Variants in ERG observed in about 807,000 individuals in gnomAD.
ERG encodes transcriptional regulator ERG.
In ERG, 9 loss-of-function variants were observed where a neutral mutation model predicts 55.3. That is an observed-to-expected ratio of 0.16 (90% CI 0.10 to 0.28). ERG has a LOEUF of 0.28. Among genes scored for constraint, ERG ranks in the 10% least tolerant of loss-of-function variants. ERG has a pLI of 1.00. For synonymous variants in ERG, 223 were observed against 237.3 expected, an observed-to-expected ratio of 0.94 and a Z score of 0.55; for missense variants, 434 against 631.6, an observed-to-expected ratio of 0.69 and a Z score of 3.35.
intron 1 of ERG, among the ~76,000 whole-genome samples, chr21:38,497,512 T>G (rs2146690965): frequency 6.6e-6 from 1 of 152,316 alleles, no homozygotes; most frequent in East Asian, 1.9e-4. Context: ...CAAGACTGCA[T>G]GCCCCTTGAC....
chr21:38,411,921 T>C (rs536529070), intron 3 of ERG, among the ~76,000 whole-genome samples: 114 of 152,364 alleles, frequency 7.5e-4, no homozygotes, highest in African/African-American at 2.5e-3. Flanking sequence ...GTCATGAATT[T>C]AGCCTTTTTT....
intron 4 of ERG, 32 bp from the exon 5 acceptor site, chr21:38,402,669 TG>T: frequency 1.0e-6 from 1 of 974,484 alleles, no homozygotes. Context: ...GACATCAAAA[TG>T]AAAAAAAAAA....
chr21:38,568,930 A>G (rs2059940052), intron 2 of ERG, among the ~76,000 whole-genome samples: 1 of 152,222 alleles, frequency 6.6e-6, no homozygotes, highest in Non-Finnish European at 1.5e-5. Context: ...GGAGGCTTAC[A>G]GGCAGAAGCA....
At chr21:38,444,294 TG>T (rs1433948585) in intron 2 of ERG, among the ~76,000 whole-genome samples, 1 of 152,212 alleles carries the variant, frequency 6.6e-6, no homozygotes, top group Non-Finnish European at 1.5e-5. Context: ...AGTGGTGATT[TG>T]GGGTCAGACT....
chr21:38,371,422 A>C, the ERG span, among the ~76,000 whole-genome samples: 1 of 152,068 alleles, frequency 6.6e-6, no homozygotes, highest in East Asian at 1.9e-4. Context: ...CTCCAAACCT[A>C]TGTTGAATAG....
intron 1 of ERG, among the ~76,000 whole-genome samples, chr21:38,595,399 G>A (rs2060124903): frequency 6.6e-6 from 1 of 152,180 alleles, no homozygotes; most frequent in African/African-American, 2.4e-5. Context: ...AAGCAGAGAA[G>A]GTGCAGGGAA....
intron 1 of ERG, among the ~76,000 whole-genome samples, chr21:38,481,468 A>G (rs1246733303): frequency 6.6e-6 from 1 of 152,244 alleles, no homozygotes. Context: ...ATTGGCCTAT[A>G]TATAATGTTT....
At chr21:38,639,417 C>T (rs2060410170) in intron 1 of ERG, among the ~76,000 whole-genome samples, 1 of 149,830 alleles carries the variant, frequency 6.7e-6, no homozygotes, top group Non-Finnish European at 1.5e-5. Context: ...AATAATACAG[C>T]CATTAAAAAA....
intron 1 of ERG, among the ~76,000 whole-genome samples, chr21:38,612,421 T>C (rs995957414): frequency 2.0e-5 from 3 of 152,226 alleles, no homozygotes; most frequent in Non-Finnish European, 4.4e-5. Context: ...TCCATCATTA[T>C]AGTGGGTCCT....
At chr21:38,541,642 A>T (rs967988890) in intron 2 of ERG, among the ~76,000 whole-genome samples, 5 of 152,228 alleles carry the variant, frequency 3.3e-5, no homozygotes, top group African/African-American at 1.2e-4. Context: ...AATACCTCAA[A>T]TTTATTTCAA....
Position 38,487,342 on chromosome 21 carries a change from C to G in ERG, c.18+11021G>C, listed in dbSNP as rs552304129. Among the ~76,000 whole-genome samples, 5 of 152,206 alleles carry G rather than the reference C, an allele frequency of 3.3e-5. No homozygotes were observed. In the East Asian group the frequency reaches 9.6e-4, roughly 29 times the overall value. On this transcript the variant is annotated intron_variant, in intron 1 of 9. Transcript: ENST00000288319. ...GTTTTTAAAATTTTTATTTTCTAAA[C>G]TCCTATAATAATTGTTTTTCAAATG...
chr21:38,493,127 T>C (rs1164478124), intron 1 of ERG, among the ~76,000 whole-genome samples: 1 of 152,192 alleles, frequency 6.6e-6, no homozygotes, highest in South Asian at 2.1e-4. Context: ...AAAATATATA[T>C]ACCCATTGGC....
chr21:38,407,059 A>G (rs1176123398), intron 3 of ERG, among the ~76,000 whole-genome samples: 2 of 152,346 alleles, frequency 1.3e-5, no homozygotes, highest in South Asian at 4.1e-4. Flanking sequence ...GAACAACACA[A>G]TAATACAACA....
At chr21:38,532,717 G>C (rs1387813076) in intron 2 of ERG, among the ~76,000 whole-genome samples, 1 of 152,186 alleles carries the variant, frequency 6.6e-6, no homozygotes, top group Non-Finnish European at 1.5e-5. Context: ...ATCAAAGTCT[G>C]ACATGGATTT....
intron 1 of ERG, among the ~76,000 whole-genome samples, chr21:38,582,752 C>CT (rs796539376): frequency 7.2e-4 from 106 of 147,592 alleles, no homozygotes; most frequent in Admixed American, 1.2e-3. Flanking sequence ...AATGTTGCAA[C>CT]TTTTTTTTTT....
downstream of ERG, among the ~76,000 whole-genome samples, chr21:38,377,185 A>C (rs369221794): frequency 1.1e-4 from 17 of 152,378 alleles, no homozygotes; most frequent in African/African-American, 2.9e-4. Context: ...TTAAATGAAA[A>C]AGATAGTGTA....
chr21:38,636,813 T>C (rs538359628), intron 1 of ERG, among the ~76,000 whole-genome samples: 4 of 152,276 alleles, frequency 2.6e-5, no homozygotes, highest in African/African-American at 7.2e-5. Context: ...TGTACTCTAA[T>C]AGAGGGCTGG....
At chr21:38,643,440 G>A (rs765823428) in intron 1 of ERG, among the ~76,000 whole-genome samples, 1 of 152,124 alleles carries the variant, frequency 6.6e-6, no homozygotes, top group Non-Finnish European at 1.5e-5. Flanking sequence ...GACAGAGTAA[G>A]GTCACAACTC....
At chr21:38,507,415 G>A (rs530087393) in intron 2 of ERG, among the ~76,000 whole-genome samples, 2 of 152,340 alleles carry the variant, frequency 1.3e-5, no homozygotes, top group South Asian at 4.1e-4. Context: ...AAATTAAAAT[G>A]CATTGGAGAT....
Sources: gnomAD v4.1 joint callset for allele counts (sites outside exome capture counted in the v4.1 genomes callset) on GRCh38, gnomAD v4.1.1 for gene constraint, MANE v1.5 for transcripts, NCBI Gene and HGNC (gene_info 2026-07-23, HGNC 2026-07-21) for gene names.